The following DRD3 variants were observed in gnomAD, a reference collection of about 807,000 sequenced individuals.
The protein encoded by DRD3 is dopamine receptor D3, also known as D(3) dopamine receptor.
Under a neutral mutation model 36.3 loss-of-function variants are expected in DRD3, and 19 were observed. That is an observed-to-expected ratio of 0.52 (90% CI 0.36 to 0.77). DRD3 has a LOEUF of 0.77. Ranked by LOEUF, DRD3 falls within the 30% of genes least tolerant of loss-of-function variation. DRD3 has a pLI of 0.00. For synonymous variants in DRD3, 195 were observed against 203.7 expected (o/e 0.96, Z 0.36); for missense variants, 465 against 505.3 (o/e 0.92, Z 0.77).
In DRD3 at chr3:114,171,944, C is replaced by T. The variant is rs373701434; in HGVS notation, c.49G>A (p.Ala17Thr). ...LSGHLNYTCG[A>T]ENSTGASQAR... ...TGGCTGGCACCTGTGGAGTTCTCTGCCCCACAGGTGTAGTTCAGGTGGCCA... is the reference window on the plus strand; with the variant it reads ...TGGCTGGCACCTGTGGAGTTCTCTGTCCCACAGGTGTAGTTCAGGTGGCCA... The change falls in exon 2 of 7, where the codon GCA becomes ACA. Residue 17 changes from alanine to threonine, a missense_variant. Ala to Thr is a moderately conservative substitution (Grantham distance 58). Transcript: ENST00000383673. 6.4e-7 allele frequency: 1 copy of T among 1,573,250 alleles called. No individual in the cohort carries two copies.
rs112393237 is a variant in DRD3, at chr3:114,166,685, C to A, written c.270+5038G>T. On this transcript the variant is annotated intron_variant, in intron 2 of 6. Transcript: ENST00000383673. ...CTGCACAAAATGGATTAACACACCC[C>A]CTAATGAACGTTTAGCTCAGAGCTG... 2.5e-4 allele frequency among the ~76,000 whole-genome samples: 38 copies of A among 152,308 alleles called. 1 individual carries two copies. Among genetic ancestry groups the A allele is most frequent in the Middle Eastern group, 3.4e-3 (1 of 294 alleles).
Position 114,128,598 on chromosome 3 carries a change from C to G in DRD3, c.*118G>C. ...GGTTATACCTGACAAGCAGGGACATCCTGGCTCCAGGAATCTTCTTCCTAC... is the reference window on the plus strand; with the variant it reads ...GGTTATACCTGACAAGCAGGGACATGCTGGCTCCAGGAATCTTCTTCCTAC... On this transcript the variant is annotated 3_prime_UTR_variant, in exon 7 of 7. Transcript: ENST00000383673. 1.9e-6 allele frequency: 2 copies of G among 1,060,278 alleles called. No homozygotes were observed. Among genetic ancestry groups the G allele is most frequent in the Non-Finnish European group, 2.6e-6 (2 of 762,860 alleles). 65.7% of individuals were successfully genotyped at this position (1,060,278 alleles called of 1,614,324 possible).
chr3:114,151,261 C>A (rs184862267), intron 3 of DRD3, among the ~76,000 whole-genome samples: 1 of 152,140 alleles, frequency 6.6e-6, no homozygotes, highest in African/African-American at 2.4e-5. Context: ...AGGGGCTGAG[C>A]CTTGAGTCCT....
rs9868039 is a variant in DRD3, at chr3:114,127,695, G to A, written c.*1021C>T. On this transcript the variant is annotated 3_prime_UTR_variant, in exon 7 of 7. Coordinates refer to ENST00000383673, the MANE Select transcript of DRD3 (RefSeq NM_000796.6). Reference sequence around the variant, plus strand: ...TTTTGTTTATACCAGCATCACCACAGACATGTAAATAATGCATTGAGCTAT... The same window carrying A: ...TTTTGTTTATACCAGCATCACCACAAACATGTAAATAATGCATTGAGCTAT... Among the ~76,000 whole-genome samples the A allele has an allele frequency of 0.46, 69,440 of 152,018 alleles. 15,841 individuals carry two copies. The highest frequency in any genetic ancestry group is 0.5 in the Middle Eastern group (148 of 294).
chr3:114,136,687 C>T (rs180828138), intron 5 of DRD3, among the ~76,000 whole-genome samples: 1 of 152,344 alleles, frequency 6.6e-6, no homozygotes, highest in Non-Finnish European at 1.5e-5. Context: ...GAACAAAGCT[C>T]AGACCTTAAT....
At chr3:114,183,069 TAC>T (rs1322907854), upstream of DRD3, among the ~76,000 whole-genome samples, 3 of 152,220 alleles carry the variant, frequency 2.0e-5, no homozygotes, top group Non-Finnish European at 4.4e-5. Context: ...GGTACTACCA[TAC>T]TGTTTTCCAC....
chr3:114,156,884 T>G lies in DRD3; in HGVS notation c.383+2871A>C, dbSNP rs1297652665. On this transcript the variant is annotated intron_variant, in intron 3 of 6. Transcript: ENST00000383673. Reference sequence around the variant, plus strand: ...TCCTTTCTTTCTTTTTCTTTCTCTTTCTTTTCTTCTCTTTTCTTCCTTCCT... The same window carrying G: ...TCCTTTCTTTCTTTTTCTTTCTCTTGCTTTTCTTCTCTTTTCTTCCTTCCT... 3.2e-4 allele frequency among the ~76,000 whole-genome samples: 47 copies of G among 146,614 alleles called. 1 individual carries two copies. Among genetic ancestry groups the G allele is most frequent in the Non-Finnish European group, 5.7e-4 (38 of 66,554 alleles).
rs774862886 is a variant in DRD3, at chr3:114,139,712, G to A, written c.527-16C>T. ...GTGGGGTCCCCTGTGGATGAGAAGGGGGAAGGTAAAGCAGTTAGCAAGTAT... is the reference window on the plus strand; with the variant it reads ...GTGGGGTCCCCTGTGGATGAGAAGGAGGAAGGTAAAGCAGTTAGCAAGTAT... On this transcript the variant is annotated splice_polypyrimidine_tract_variant and intron_variant, in intron 4 of 6. Coordinates refer to ENST00000383673, the MANE Select transcript of DRD3 (RefSeq NM_000796.6). 7.4e-6 allele frequency: 12 copies of A among 1,612,500 alleles called. No individual in the cohort carries two copies. Among genetic ancestry groups the A allele is most frequent in the South Asian group, 1.1e-5 (1 of 90,854 alleles).
chr3:114,130,611 A>G (rs1343394191), intron 6 of DRD3, among the ~76,000 whole-genome samples: 2 of 151,952 alleles, frequency 1.3e-5, no homozygotes, highest in African/African-American at 4.8e-5. Flanking sequence ...TTTTTAGTAG[A>G]GACGGGGTTT....
At chr3:114,144,205 G>A (rs1245867579) in intron 4 of DRD3, among the ~76,000 whole-genome samples, 1 of 152,220 alleles carries the variant, frequency 6.6e-6, no homozygotes, top group Non-Finnish European at 1.5e-5. Context: ...AGAGACTGAA[G>A]TTCAACTTTT....
At chr3:114,181,331 G>A (rs1405748828), upstream of DRD3, among the ~76,000 whole-genome samples, 3 of 152,228 alleles carry the variant, frequency 2.0e-5, no homozygotes, top group South Asian at 2.1e-4. Flanking sequence ...TGGTGAATGG[G>A]GAGGGATTGG....
At chr3:114,192,488 G>T (rs1411001984) in intron 1 of DRD3, among the ~76,000 whole-genome samples, 1 of 152,082 alleles carries the variant, frequency 6.6e-6, no homozygotes, top group African/African-American at 2.4e-5. Context: ...TCTGAAGTAG[G>T]TCATACATTT....
intron 2 of DRD3, among the ~76,000 whole-genome samples, chr3:114,165,778 A>G (rs1309617662): frequency 6.6e-6 from 1 of 151,984 alleles, no homozygotes; most frequent in Non-Finnish European, 1.5e-5. Context: ...CAGAATAATA[A>G]ATAAGGATTT....
chr3:114,170,198 C>T (rs55667373), intron 2 of DRD3, among the ~76,000 whole-genome samples: 1,608 of 152,158 alleles, frequency 0.011, 22 homozygotes, highest in Non-Finnish European at 0.016. Context: ...ACAAATAGCT[C>T]GTCCCCAAAA....
In DRD3 at chr3:114,185,809, A is replaced by G. The variant is rs1028227868; in HGVS notation, c.-155-7033T>C. ...TCCTCCCTCAGCCTCCTGGGTAGCT[A>G]GGACTACAGGCTACCATGCCTGGAA... On this transcript the variant is annotated intron_variant, in intron 1 of 7. Coordinates refer to the DRD3 transcript ENST00000460779. Among the ~76,000 whole-genome samples the G allele has an allele frequency of 2.0e-5, 3 of 152,064 alleles. 1 individual carries two copies. Among genetic ancestry groups the G allele is most frequent in the Non-Finnish European group, 4.4e-5 (3 of 68,000 alleles).
chr3:114,182,784 T>C (rs2107898810), upstream of DRD3, among the ~76,000 whole-genome samples: 1 of 152,330 alleles, frequency 6.6e-6, no homozygotes, highest in South Asian at 2.1e-4. Flanking sequence ...TTATTTCACT[T>C]AGCATAATGT....
At chr3:114,182,920 A>G (rs536869966), upstream of DRD3, among the ~76,000 whole-genome samples, 7 of 152,276 alleles carry the variant, frequency 4.6e-5, no homozygotes, top group Admixed American at 3.9e-4. Context: ...TTACTTTCAC[A>G]TTTTAGCTAT....
chr3:114,169,206 T>C (rs1035198506), intron 2 of DRD3, among the ~76,000 whole-genome samples: 1 of 151,658 alleles, frequency 6.6e-6, no homozygotes, highest in Admixed American at 6.6e-5. Context: ...TTTCTTTCAT[T>C]AAGGTGCCTC....
intron 5 of DRD3, among the ~76,000 whole-genome samples, chr3:114,136,763 A>G (rs561424984): frequency 6.6e-6 from 1 of 152,352 alleles, no homozygotes; most frequent in African/African-American, 2.4e-5. Flanking sequence ...TCTCATATCT[A>G]ACACCTCCAG....
Sources: allele counts gnomAD v4.1 joint callset (sites outside exome capture counted in the v4.1 genomes callset), GRCh38; gene constraint gnomAD v4.1.1; transcripts MANE v1.5; gene names NCBI Gene and HGNC (gene_info 2026-07-23, HGNC 2026-07-21).